ELOVL6: variants seen among roughly 807,000 people sequenced by gnomAD.
ELOVL6 encodes the protein very long chain fatty acid elongase 6.
ELOVL6 carries 8 observed loss-of-function variants against 31.7 expected under a neutral mutation model. The ratio of observed to expected loss-of-function variants is 0.25; its 90% CI spans 0.15 to 0.45. The LOEUF (loss-of-function observed/expected upper bound fraction) is 0.45. Ranked by LOEUF, ELOVL6 falls within the 20% of genes least tolerant of loss-of-function variation. ELOVL6 has a pLI of 1.00. For synonymous variants in ELOVL6, 101 were observed against 117.7 expected (o/e 0.86, Z 0.92); for missense variants, 126 against 326.4 (o/e 0.39, Z 4.73).
intron 2 of ELOVL6, among the ~76,000 whole-genome samples, chr4:110,080,684 G>C (rs531758894): frequency 6.6e-6 from 1 of 152,314 alleles, no homozygotes; most frequent in East Asian, 1.9e-4. Context: ...ACTGGCACAA[G>C]ACAGGGATGC....
At chr4:110,080,600 T>A (rs1056915989) in intron 2 of ELOVL6, among the ~76,000 whole-genome samples, 1 of 152,160 alleles carries the variant, frequency 6.6e-6, no homozygotes, top group Admixed American at 6.5e-5. Flanking sequence ...CTCAGAATAA[T>A]AACAGCTATC....
At chr4:110,059,845 C>T in intron 2 of ELOVL6, 91 bp from the exon 3 acceptor site, 2 of 1,091,486 alleles carry the variant, frequency 1.8e-6, no homozygotes, top group South Asian at 1.6e-5. Flanking sequence ...TGGCCACTGG[C>T]AGGAAATAGG....
At chr4:110,147,637 A>T (rs1467500308) in intron 1 of ELOVL6, among the ~76,000 whole-genome samples, 2 of 152,144 alleles carry the variant, frequency 1.3e-5, no homozygotes, top group Non-Finnish European at 2.9e-5. Context: ...AAAAAAATAC[A>T]AAAATCAACT....
At chr4:110,176,442 G>C (rs768697325) in intron 1 of ELOVL6, among the ~76,000 whole-genome samples, 1 of 152,162 alleles carries the variant, frequency 6.6e-6, no homozygotes, top group Non-Finnish European at 1.5e-5. Context: ...TTACAGGCAT[G>C]AGCCACTGCG....
intron 1 of ELOVL6, among the ~76,000 whole-genome samples, chr4:110,163,156 G>A (rs920949860): frequency 6.6e-6 from 1 of 152,162 alleles, no homozygotes; most frequent in Non-Finnish European, 1.5e-5. Context: ...ACTTGGGTGC[G>A]AAGCCATACA....
At chr4:110,117,544 G>A (rs1578493040) in intron 1 of ELOVL6, among the ~76,000 whole-genome samples, 2 of 151,884 alleles carry the variant, frequency 1.3e-5, no homozygotes, top group South Asian at 2.1e-4. Flanking sequence ...TTCTGACTAC[G>A]ATGGGCCATG....
chr4:110,138,608 C>G (rs1197142453), intron 1 of ELOVL6, among the ~76,000 whole-genome samples: 2 of 151,988 alleles, frequency 1.3e-5, no homozygotes, highest in Non-Finnish European at 2.9e-5. Context: ...AAATAGCCAG[C>G]CTTGAGAAGA....
intron 2 of ELOVL6, among the ~76,000 whole-genome samples, chr4:110,084,238 T>TATAACTTATATGATATGTAAC (rs1412482333): frequency 8.8e-6 from 1 of 114,194 alleles, no homozygotes; most frequent in African/African-American, 4.4e-5. Context: ...ATATATAACA[T>TATAACTTATATGATATGTAAC]ATATGATATA....
chr4:110,051,099 T>A lies in ELOVL6; in HGVS notation c.*239A>T, dbSNP rs1271067662. On this transcript the variant is annotated 3_prime_UTR_variant, in exon 4 of 4. Coordinates refer to ENST00000302274, the MANE Select transcript of ELOVL6 (RefSeq NM_024090.3). This position sits in a 1 kb window ranked among gnomAD's most constrained non-coding sequence, Gnocchi z 4.8. ...CTAGAGTTGATAGATAAAGAGGGAA[T>A]GGGGTCTTCCAGCAGCAGTGCTTGG... The A allele has an allele frequency of 1.3e-5, 7 of 520,658 alleles. No individual in the cohort carries two copies. Among genetic ancestry groups the A allele is most frequent in the Middle Eastern group, 5.2e-4 (1 of 1,912 alleles). 32.3% of individuals were successfully genotyped at this position (520,658 alleles called of 1,614,324 possible).
At chr4:110,120,993 G>A (rs1757340786) in intron 1 of ELOVL6, among the ~76,000 whole-genome samples, 1 of 151,898 alleles carries the variant, frequency 6.6e-6, no homozygotes, top group South Asian at 2.1e-4. Flanking sequence ...TAGAGACAGG[G>A]CTTCGCCACG....
At chr4:110,107,047 C>A (rs183063840) in intron 1 of ELOVL6, among the ~76,000 whole-genome samples, 1 of 152,114 alleles carries the variant, frequency 6.6e-6, no homozygotes, top group African/African-American at 2.4e-5. Flanking sequence ...AGTTACAAAA[C>A]ATAATATCAA....
At chr4:110,112,619 T>C (rs1757066470) in intron 1 of ELOVL6, among the ~76,000 whole-genome samples, 3 of 152,108 alleles carry the variant, frequency 2.0e-5, no homozygotes, top group Admixed American at 2.0e-4. Context: ...ATGCCTGTAA[T>C]CCCAACACTT....
At chr4:110,142,329 G>T (rs1283088214) in intron 1 of ELOVL6, among the ~76,000 whole-genome samples, 1 of 151,692 alleles carries the variant, frequency 6.6e-6, no homozygotes, top group East Asian at 1.9e-4. Flanking sequence ...ACAGGCATAA[G>T]CCACCGCACC....
In ELOVL6 at chr4:110,120,803, T is replaced by TC. The variant is rs1170108853; in HGVS notation, c.90-15176_90-15175insG. Among the ~76,000 whole-genome samples the TC allele has an allele frequency of 4.5e-4, 62 of 136,920 alleles. No homozygotes were observed. In the East Asian group the frequency reaches 0.01, roughly 23 times the overall value. The allele number at this position is 136,920 out of a possible 152,430, so 89.8% of individuals were successfully genotyped here. ...TCTTTTCTTTTTTTTCTTTTCTTTT[T>TC]TTTTTTTTTTTTTTTGAAACAGAGT... is the stretch of plus-strand genomic sequence containing the variant. On this transcript the variant is annotated intron_variant, in intron 1 of 3. Transcript: ENST00000302274.
intron 2 of ELOVL6, among the ~76,000 whole-genome samples, chr4:110,084,392 A>G (rs1177118249): frequency 4.3e-5 from 5 of 117,144 alleles, no homozygotes; most frequent in African/African-American, 1.3e-4. Context: ...TATCGCATAT[A>G]TGATATATGA....
At chr4:110,128,148 C>T (rs190623328) in intron 1 of ELOVL6, among the ~76,000 whole-genome samples, 15 of 151,956 alleles carry the variant, frequency 9.9e-5, no homozygotes, top group East Asian at 3.9e-4. Flanking sequence ...TCAGACAGGA[C>T]GAGTATAAGC....
intron 1 of ELOVL6, among the ~76,000 whole-genome samples, chr4:110,121,588 A>T (rs971648305): frequency 3.9e-5 from 6 of 152,138 alleles, no homozygotes; most frequent in African/African-American, 1.4e-4. Flanking sequence ...AGTCCCAGCT[A>T]CTCGGGAGGC....
intron 2 of ELOVL6, chr4:110,060,031 A>T: frequency 3.7e-6 from 1 of 272,582 alleles, no homozygotes; most frequent in Non-Finnish European, 6.8e-6. Flanking sequence ...GCAGGATCTC[A>T]TGAAGAATGC....
intron 1 of ELOVL6, among the ~76,000 whole-genome samples, chr4:110,117,012 C>G (rs753477767): frequency 6.6e-6 from 1 of 152,202 alleles, no homozygotes; most frequent in Non-Finnish European, 1.5e-5. Context: ...AACTGAGGAT[C>G]CCCAGAATTC....
Sources: gnomAD v4.1 joint callset for allele counts (sites outside exome capture counted in the v4.1 genomes callset) on GRCh38, gnomAD v4.1.1 for gene constraint, Gnocchi (gnomAD v3.1) non-coding constraint, MANE v1.5 for transcripts, NCBI Gene and HGNC (gene_info 2026-07-23, HGNC 2026-07-21) for gene names.